Variants in ECT2L observed in about 807,000 individuals in gnomAD.
ECT2L encodes the protein epithelial cell-transforming sequence 2 oncogene-like.
Under a neutral mutation model 122.8 loss-of-function variants are expected in ECT2L, and 126 were observed. That is an observed-to-expected ratio of 1.03 (90% confidence interval 0.89 to 1.19). The LOEUF (loss-of-function observed/expected upper bound fraction) is 1.19, where lower values mean the gene tolerates loss of function less well. Among genes scored for constraint, ECT2L ranks in the 50% most tolerant of loss-of-function variants. The pLI, the probability that ECT2L is intolerant of heterozygous loss-of-function variation, is 0.00. For synonymous variants in ECT2L, 385 were observed against 381.8 expected, an observed-to-expected ratio of 1.01 and a Z score of -0.10; for missense variants, 1,012 against 1,064.1, an observed-to-expected ratio of 0.95 and a Z score of 0.68.
At chr6:138,812,797 T>C in intron 1 of ECT2L, 41 bp from the exon 2 acceptor site, 1 of 153,784 alleles carries the variant, frequency 6.5e-6, no homozygotes, top group Non-Finnish European at 1.4e-5. Flanking sequence ...AGAGCGAGAC[T>C]CCATCTTAAA....
rs1777971442 is a variant in ECT2L at position 138,864,916 on chromosome 6, T to A, written c.1292-80T>A. 2.2e-6 allele frequency: 3 copies of A among 1,356,150 alleles called. No homozygotes were observed. In the Admixed American group the frequency reaches 6.7e-5, roughly 30 times the overall value. 84.0% of individuals were successfully genotyped at this position (1,356,150 alleles called of 1,614,324 possible). The stretch of plus-strand genomic sequence containing the variant: ...AACTCAATACAAATGCAACTAAGAT[T>A]TTGTTGTACTTTAAACAAGATGTAG... On this transcript the variant is annotated intron_variant, in intron 11 of 21. Transcript: ENST00000541398.
rs869215239 is a variant in ECT2L, at chr6:138,808,725, TTTTC to T, written c.-243-4109_-243-4106del. Among the ~76,000 whole-genome samples, 323 of 88,892 alleles carry T rather than the reference TTTTC, an allele frequency of 3.6e-3. 3 individuals are homozygous for T. Among genetic ancestry groups the T allele is most frequent in the South Asian group, 0.032 (75 of 2,310 alleles). The allele number at this position is 88,892 out of a possible 152,430, so 58.3% of individuals were successfully genotyped here. On this transcript the variant is annotated intron_variant, in intron 1 of 21. Coordinates refer to ENST00000541398, the MANE Select transcript of ECT2L (RefSeq NM_001077706.3). ...TGACAATTTAATTTTTTCCTTTCTC[TTTTC>T]TTTTTTTTTTTTTTTGAGACAGTGT...
intron 1 of ECT2L, among the ~76,000 whole-genome samples, chr6:138,796,914 A>T (rs1775363593): frequency 6.6e-6 from 1 of 152,208 alleles, no homozygotes; most frequent in Non-Finnish European, 1.5e-5. Context: ...CTCAAAAATC[A>T]TGCTCTACAA....
intron 10 of ECT2L, 145 bp from the exon 11 acceptor site, chr6:138,862,482 C>T (rs1281319554): frequency 5.8e-6 from 4 of 693,518 alleles, no homozygotes; most frequent in South Asian, 3.4e-5. Flanking sequence ...GGGATCCGCC[C>T]TCATGATCCC....
At chr6:138,811,864 T>G (rs990269678) in intron 1 of ECT2L, among the ~76,000 whole-genome samples, 1 of 152,038 alleles carries the variant, frequency 6.6e-6, no homozygotes, top group African/African-American at 2.4e-5. Flanking sequence ...AATTTTTGTA[T>G]TTTTAGTAGA....
At chr6:138,853,782 G>A (rs1777526122) in intron 9 of ECT2L, among the ~76,000 whole-genome samples, 1 of 152,154 alleles carries the variant, frequency 6.6e-6, no homozygotes, top group Non-Finnish European at 1.5e-5. Context: ...GCTGCACAGT[G>A]GAGGCAGAAA....
chr6:138,845,713 G>C (rs1234848246), intron 7 of ECT2L, among the ~76,000 whole-genome samples: 1 of 152,144 alleles, frequency 6.6e-6, no homozygotes, highest in Non-Finnish European at 1.5e-5. Flanking sequence ...GCTACATATG[G>C]ATCTCTGTGT....
In ECT2L at chr6:138,882,748, C is replaced by CA. The variant is rs771432886; in HGVS notation, c.1906dup (p.Arg636LysfsTer40). The CA allele has an allele frequency of 1.2e-6, 2 of 1,614,140 alleles. No individual in the cohort carries two copies. Among genetic ancestry groups the CA allele is most frequent in the Non-Finnish European group, 1.7e-6 (2 of 1,180,010 alleles). ...GGCAGTTTCTAGATAACCTGAGAGACAGACTGCAGGAATGGGGCCCAGCTC... is the reference window on the plus strand; with the variant it reads ...GGCAGTTTCTAGATAACCTGAGAGACAAGACTGCAGGAATGGGGCCCAGCTC... On this transcript the variant is annotated frameshift_variant, in exon 16 of 22. Coordinates refer to ENST00000541398, the MANE Select transcript of ECT2L (RefSeq NM_001077706.3). LOFTEE classifies it high-confidence loss of function.
intron 13 of ECT2L, among the ~76,000 whole-genome samples, chr6:138,871,504 C>T (rs1778250201): frequency 6.6e-6 from 1 of 152,296 alleles, no homozygotes; most frequent in African/African-American, 2.4e-5. Flanking sequence ...CACGGCCTGC[C>T]GTCATTAAGA....
At chr6:138,837,181 C>T (rs1035118989) in intron 4 of ECT2L, among the ~76,000 whole-genome samples, 2 of 152,236 alleles carry the variant, frequency 1.3e-5, no homozygotes, top group African/African-American at 4.8e-5. Flanking sequence ...AGTGATATCT[C>T]CAATTTCTCT....
intron 4 of ECT2L, among the ~76,000 whole-genome samples, chr6:138,825,568 G>A (rs992324241): frequency 2.6e-5 from 4 of 152,112 alleles, no homozygotes; most frequent in Admixed American, 1.3e-4. Context: ...GGGCGACAGA[G>A]CAGGACTCCG....
At chr6:138,808,036 T>G (rs1251934794) in intron 1 of ECT2L, among the ~76,000 whole-genome samples, 1 of 152,116 alleles carries the variant, frequency 6.6e-6, no homozygotes, top group African/African-American at 2.4e-5. Context: ...ATAATCAGTT[T>G]GTCAAACACA....
intron 10 of ECT2L, among the ~76,000 whole-genome samples, chr6:138,855,692 G>A (rs566056787): frequency 3.9e-5 from 6 of 152,262 alleles, no homozygotes; most frequent in Middle Eastern, 3.4e-3. Context: ...TATGTGTGAG[G>A]TGGTGTATGT....
rs534109910 is a variant in ECT2L at position 138,882,778 on chromosome 6, T to G, written c.1935T>G (p.Cys645Trp). The G allele has an allele frequency of 6.8e-6, 11 of 1,614,204 alleles. No individual in the cohort carries two copies. The South Asian group carries it at 1.1e-4, about 16-fold the overall frequency. The stretch of plus-strand genomic sequence containing the variant: ...TGCAGGAATGGGGCCCAGCTCACTG[T>G]GTGGGAGAAATAGTCACGAAGTTTG... ...DRLQEWGPAH[C>W]VGEIVTKFGS... The change falls in exon 16 of 22, where the codon TGT becomes TGG. Residue 645 changes from cysteine (C) to tryptophan (W), a missense_variant. Coordinates refer to ENST00000541398, the MANE Select transcript of ECT2L (RefSeq NM_001077706.3).
chr6:138,899,028 A>G (rs1046394349), intron 20 of ECT2L, among the ~76,000 whole-genome samples: 3 of 152,150 alleles, frequency 2.0e-5, no homozygotes, highest in African/African-American at 7.2e-5. Context: ...ATAAGGGGGG[A>G]CTATTGTGTA....
At chr6:138,817,976 G>C (rs1166045695) in intron 4 of ECT2L, among the ~76,000 whole-genome samples, 3 of 152,160 alleles carry the variant, frequency 2.0e-5, no homozygotes, top group Admixed American at 1.3e-4. Flanking sequence ...TGGGCTGCTT[G>C]TGTCTGTTAC....
intron 4 of ECT2L, among the ~76,000 whole-genome samples, chr6:138,820,527 GTTAA>G (rs749427454): frequency 3.6e-4 from 55 of 152,118 alleles, no homozygotes; most frequent in Non-Finnish European, 5.9e-4. Context: ...TGAAGCTGCC[GTTAA>G]TTGTTTACAG....
intron 4 of ECT2L, among the ~76,000 whole-genome samples, chr6:138,821,182 G>A (rs1776257282): frequency 6.6e-6 from 1 of 152,222 alleles, no homozygotes; most frequent in Non-Finnish European, 1.5e-5. Flanking sequence ...TCCCAGTTCT[G>A]TGGGTGCCTT....
chr6:138,845,242 A>ATT (rs10717081), intron 7 of ECT2L, among the ~76,000 whole-genome samples: 21 of 128,592 alleles, frequency 1.6e-4, no homozygotes, highest in African/African-American at 2.6e-4. Context: ...TTAACTTTGG[A>ATT]TTTTTTTTTT....
Sources: gnomAD v4.1 joint callset for allele counts (sites outside exome capture counted in the v4.1 genomes callset) on GRCh38, gnomAD v4.1.1 for gene constraint, MANE v1.5 for transcripts, NCBI Gene and HGNC (gene_info 2026-07-23, HGNC 2026-07-21) for gene names.